ARHGAP31: variants seen among roughly 807,000 people sequenced by gnomAD.
The protein encoded by ARHGAP31 is Rho GTPase activating protein 31.
ARHGAP31 carries 34 observed loss-of-function variants against 113.9 expected under a neutral mutation model. That is an observed-to-expected ratio of 0.30 (90% CI 0.23 to 0.40). The LOEUF (loss-of-function observed/expected upper bound fraction) is 0.40. ARHGAP31 is among the 10% of genes least tolerant of loss of function. ARHGAP31 has a pLI of 1.00. For synonymous variants in ARHGAP31, 650 were observed against 684.8 expected (o/e 0.95, Z 0.79); for missense variants, 1,548 against 1,767.1 (o/e 0.88, Z 2.22).
At position 119,294,745 on chromosome 3, in the gene ARHGAP31, G is replaced by A. The variant is rs1389268771; in HGVS notation, c.-160G>A. On this transcript the variant is annotated 5_prime_UTR_variant, in exon 1 of 12. Coordinates refer to ENST00000264245, the MANE Select transcript of ARHGAP31 (RefSeq NM_020754.4). ...CAGGCTCTGCCGGCCCGCGGCCCGC[G>A]GGGTCCATGCGCAGGGCCCCCAGCC... is the stretch of plus-strand genomic sequence containing the variant. The A allele has an allele frequency of 1.4e-6, 1 of 697,590 alleles. No homozygotes were observed. The highest frequency in any genetic ancestry group is 2.3e-5 in the Admixed American group (1 of 43,848). The allele number at this position is 697,590 out of a possible 1,614,324, so 43.2% of individuals were successfully genotyped here. A position where few individuals can be genotyped will look rare whatever the true frequency, so the allele number is the denominator to read the frequency against.
rs1466528427 is a variant in ARHGAP31 at position 119,365,386 on chromosome 3, T to C, written c.171T>C (p.Leu57=). 6.2e-7 allele frequency: 1 copy of C among 1,614,154 alleles called. No homozygotes were observed. The highest frequency in any genetic ancestry group is 1.7e-5 in the Admixed American group (1 of 60,032). ...THGIVDGIYR[L]SGVTSNIQRL... ...GCATCGTGGATGGAATCTATCGGCT[T>C]TCAGGAGTCACCTCAAACATACAAC... Residue 57 remains leucine (L), a synonymous_variant, in exon 2 of 12, where the codon CTT becomes CTC. Coordinates refer to ENST00000264245, the MANE Select transcript of ARHGAP31 (RefSeq NM_020754.4).
intron 3 of ARHGAP31, among the ~76,000 whole-genome samples, chr3:119,371,172 T>C (rs377508683): frequency 8.5e-5 from 13 of 152,348 alleles, no homozygotes; most frequent in East Asian, 5.8e-4. Flanking sequence ...ATCAGTCTTA[T>C]TTCTTTTAAC....
At chr3:119,303,526 G>A (rs2079602823) in intron 1 of ARHGAP31, among the ~76,000 whole-genome samples, 1 of 152,128 alleles carries the variant, frequency 6.6e-6, no homozygotes, top group Non-Finnish European at 1.5e-5. Context: ...ACCAGGCCCT[G>A]GTACCACGCC....
chr3:119,409,202 G>GA (rs1158100969), intron 10 of ARHGAP31, among the ~76,000 whole-genome samples: 3 of 152,164 alleles, frequency 2.0e-5, no homozygotes, highest in Non-Finnish European at 2.9e-5. Context: ...AATGTCTCCA[G>GA]ACATTGCCAA....
At chr3:119,399,724 T>C (rs528317936) in intron 9 of ARHGAP31, among the ~76,000 whole-genome samples, 85 of 152,378 alleles carry the variant, frequency 5.6e-4, no homozygotes, top group Admixed American at 8.5e-4. Flanking sequence ...TTTCAGTTGG[T>C]AGGTTCATTC....
intron 1 of ARHGAP31, among the ~76,000 whole-genome samples, chr3:119,296,102 C>G (rs1474851629): frequency 6.6e-6 from 1 of 152,228 alleles, no homozygotes; most frequent in Non-Finnish European, 1.5e-5. Context: ...ATCTCAAAAC[C>G]TATTTGATTA....
chr3:119,303,145 G>T (rs1341819802), intron 1 of ARHGAP31, among the ~76,000 whole-genome samples: 1 of 152,202 alleles, frequency 6.6e-6, no homozygotes, highest in Non-Finnish European at 1.5e-5. Flanking sequence ...GGCAGATCTG[G>T]TAGCTCACTG....
intron 1 of ARHGAP31, among the ~76,000 whole-genome samples, chr3:119,360,307 A>G (rs2107620462): frequency 6.6e-6 from 1 of 152,348 alleles, no homozygotes; most frequent in Middle Eastern, 3.4e-3. Flanking sequence ...CAGGATCCAG[A>G]GAGGGGACGA....
chr3:119,337,374 G>C (rs2079964698), intron 1 of ARHGAP31, among the ~76,000 whole-genome samples: 1 of 152,160 alleles, frequency 6.6e-6, no homozygotes, highest in Admixed American at 6.6e-5. Context: ...TGCTCTCGCT[G>C]ACTTCAGGAG....
At chr3:119,405,245 T>A (rs1305946127) in intron 10 of ARHGAP31, among the ~76,000 whole-genome samples, 1 of 152,178 alleles carries the variant, frequency 6.6e-6, no homozygotes, top group Non-Finnish European at 1.5e-5. Flanking sequence ...TTCTATTAGT[T>A]AAGGTACAGG....
At chr3:119,396,968 T>C (rs2080555741) in intron 8 of ARHGAP31, among the ~76,000 whole-genome samples, 1 of 152,096 alleles carries the variant, frequency 6.6e-6, no homozygotes, top group African/African-American at 2.4e-5. Context: ...CCCTCCAAAA[T>C]GAACTGTGAG....
chr3:119,400,723 A>T (rs546071664), intron 9 of ARHGAP31, among the ~76,000 whole-genome samples: 1 of 152,234 alleles, frequency 6.6e-6, no homozygotes, highest in Non-Finnish European at 1.5e-5. Context: ...CAGGGTGGTC[A>T]TAAGAATTTT....
chr3:119,408,979 A>G (rs2080690149), intron 10 of ARHGAP31, among the ~76,000 whole-genome samples: 1 of 152,184 alleles, frequency 6.6e-6, no homozygotes, highest in Admixed American at 6.5e-5. Context: ...GGGCACCTAG[A>G]TAGACTTCTC....
chr3:119,412,314 G>A (rs1172412103), intron 11 of ARHGAP31, among the ~76,000 whole-genome samples: 1 of 152,032 alleles, frequency 6.6e-6, no homozygotes, highest in Admixed American at 6.6e-5. Context: ...CTTGAACCCG[G>A]GAGGAGGAGG....
At chr3:119,319,200 AAAGC>A (rs970651690) in intron 1 of ARHGAP31, among the ~76,000 whole-genome samples, 1 of 151,776 alleles carries the variant, frequency 6.6e-6, no homozygotes, top group Non-Finnish European at 1.5e-5. Flanking sequence ...CTATGAGATA[AAAGC>A]ACCTTCTGGA....
chr3:119,345,304 A>T (rs991960621), intron 1 of ARHGAP31, among the ~76,000 whole-genome samples: 4 of 151,490 alleles, frequency 2.6e-5, no homozygotes, highest in African/African-American at 4.8e-5. Flanking sequence ...TTTAAAAAAA[A>T]TTTTTTTAGA....
intron 1 of ARHGAP31, among the ~76,000 whole-genome samples, chr3:119,303,916 T>A (rs1290233127): frequency 6.6e-6 from 1 of 152,040 alleles, no homozygotes; most frequent in East Asian, 1.9e-4. Context: ...TGCCTTAGTC[T>A]CCCAAGTAAC....
chr3:119,383,313 C>A, intron 6 of ARHGAP31, 87 bp downstream of exon 6: 1 of 1,550,034 alleles, frequency 6.5e-7, no homozygotes, highest in African/African-American at 1.4e-5. Flanking sequence ...TGAGGGTGGG[C>A]TTAGTTCTAG....
At chr3:119,350,659 G>A (rs1406928041) in intron 1 of ARHGAP31, among the ~76,000 whole-genome samples, 9 of 152,032 alleles carry the variant, frequency 5.9e-5, no homozygotes, top group African/African-American at 9.7e-5. Context: ...TCCAGCCCCC[G>A]TAAAAATAAA....
Sources: gnomAD v4.1 joint callset for allele counts (sites outside exome capture counted in the v4.1 genomes callset) on GRCh38, gnomAD v4.1.1 for gene constraint, MANE v1.5 for transcripts, NCBI Gene and HGNC (gene_info 2026-07-23, HGNC 2026-07-21) for gene names.